The following CRYBB1 variants were observed in gnomAD, a reference collection of about 807,000 sequenced individuals.
CRYBB1 encodes the protein crystallin beta B1.
In CRYBB1, 16 loss-of-function variants were observed where a neutral mutation model predicts 29.5. The observed-to-expected ratio is 0.54, with a 90% CI of 0.37 to 0.82. The LOEUF (loss-of-function observed/expected upper bound fraction) is 0.82, where lower values mean the gene tolerates loss of function less well. Ranked by LOEUF, CRYBB1 falls within the 40% of genes least tolerant of loss-of-function variation. The pLI, the probability that CRYBB1 is intolerant of heterozygous loss-of-function variation, is 0.00. For missense variants in CRYBB1, 300 were observed against 350.5 expected (o/e 0.86, Z 1.15); for synonymous variants, 127 against 136.7 (o/e 0.93, Z 0.49).
intron 2 of CRYBB1, among the ~76,000 whole-genome samples, chr22:26,614,032 G>A (rs1200992742): frequency 1.3e-5 from 2 of 152,126 alleles, no homozygotes; most frequent in Non-Finnish European, 2.9e-5. Context: ...TTAGGAAGAG[G>A]AAATTCCTGC....
At chr22:26,610,734 C>T (rs5761630) in intron 3 of CRYBB1, among the ~76,000 whole-genome samples, 21,850 of 152,182 alleles carry the variant, frequency 0.14, 2,071 homozygotes, top group South Asian at 0.3. Flanking sequence ...CAGGCCCATG[C>T]TGTATGATCT....
In CRYBB1 at chr22:26,616,134, C is replaced by T; in HGVS notation, c.180+6G>A. The T allele has an allele frequency of 6.2e-7, 1 of 1,613,574 alleles. No individual in the cohort carries two copies. The highest frequency in any genetic ancestry group is 1.3e-5 in the African/African-American group (1 of 75,044). ...GCACCCAGCCACTGCACCCCCAGGT[C>T]CTTACCCTGTAGTTCCCAGGAGGCA... On this transcript the variant is annotated splice_donor_region_variant and intron_variant, in intron 2 of 5. Coordinates refer to ENST00000647684, the MANE Select transcript of CRYBB1 (RefSeq NM_001887.4).
rs1929004189 is a variant in CRYBB1 at position 26,607,150 on chromosome 22, G to T, written c.432+739C>A. Reference sequence around the variant, plus strand: ...TAATTCTCCTGCCTCAGCCTTGCTAGTAGCTGGGATTACAGGCATGCGCCA... The same window carrying T: ...TAATTCTCCTGCCTCAGCCTTGCTATTAGCTGGGATTACAGGCATGCGCCA... On this transcript the variant is annotated intron_variant, in intron 4 of 5. Coordinates refer to ENST00000647684, the MANE Select transcript of CRYBB1 (RefSeq NM_001887.4). 2.0e-5 allele frequency among the ~76,000 whole-genome samples: 3 copies of T among 150,964 alleles called. No homozygotes were observed. The Admixed American group carries it at 2.0e-4, about 10-fold the overall frequency.
chr22:26,601,896 C>T lies in CRYBB1; in HGVS notation c.558G>A (p.Val186=). 1 of 1,612,224 alleles carries T rather than the reference C, an allele frequency of 6.2e-7. No individual in the cohort carries two copies. Among genetic ancestry groups the T allele is most frequent in the Non-Finnish European group, 8.5e-7 (1 of 1,179,858 alleles). ...VYGFSDRVGS[V]KVSSGTWVGY... The stretch of plus-strand genomic sequence containing the variant: ...ATGCTTACGTTCCACTGGAGACCTT[C>T]ACGCTGCCCACGCGGTCACTGAAGC... The change falls in exon 5 of 6, where the codon GTG becomes GTA. Residue 186 remains valine, a synonymous_variant. Transcript: ENST00000647684.
chr22:26,616,807 T>G (rs1929371092), intron 1 of CRYBB1, among the ~76,000 whole-genome samples: 1 of 152,178 alleles, frequency 6.6e-6, no homozygotes, highest in Non-Finnish European at 1.5e-5. Context: ...TGATCCCCTC[T>G]GAGCAGCAGG....
At chr22:26,608,885 G>A (rs1929068840) in intron 3 of CRYBB1, among the ~76,000 whole-genome samples, 1 of 151,988 alleles carries the variant, frequency 6.6e-6, no homozygotes, top group South Asian at 2.1e-4. Flanking sequence ...TTATGAAGAT[G>A]CTAGGTTCCT....
intron 2 of CRYBB1, among the ~76,000 whole-genome samples, chr22:26,613,052 G>A (rs1302683938): frequency 6.6e-6 from 1 of 152,140 alleles, no homozygotes; most frequent in African/African-American, 2.4e-5. Context: ...CCAGGGCAGG[G>A]CCTGAGGTTG....
At chr22:26,612,342 A>G in intron 2 of CRYBB1, 152 bp from the exon 3 acceptor site, 1 of 630,378 alleles carries the variant, frequency 1.6e-6, no homozygotes. Context: ...CCCATCCCCC[A>G]ATTCTTTACT....
intron 4 of CRYBB1, among the ~76,000 whole-genome samples, chr22:26,605,428 C>A (rs1005585896): frequency 6.7e-6 from 1 of 149,000 alleles, no homozygotes; most frequent in African/African-American, 2.4e-5. Flanking sequence ...AATCCCAGCA[C>A]TTTGGGAGGC....
At chr22:26,605,730 A>G (rs1928957024) in intron 4 of CRYBB1, among the ~76,000 whole-genome samples, 1 of 149,394 alleles carries the variant, frequency 6.7e-6, no homozygotes, top group Non-Finnish European at 1.5e-5. Context: ...GTCTGGGTTC[A>G]AGTAGAAGAT....
intron 5 of CRYBB1, among the ~76,000 whole-genome samples, chr22:26,601,305 C>T (rs73163248): frequency 0.018 from 2,789 of 152,172 alleles, 34 homozygotes; most frequent in Non-Finnish European, 0.025. Flanking sequence ...CATGGGGCTC[C>T]GTTTTGATAG....
intron 4 of CRYBB1, among the ~76,000 whole-genome samples, chr22:26,603,188 T>C (rs1928877973): frequency 6.6e-6 from 1 of 151,816 alleles, no homozygotes; most frequent in Non-Finnish European, 1.5e-5. Flanking sequence ...CTGGTGATCT[T>C]GGACATTTTA....
At chr22:26,608,103 C>T (rs1161483529) in intron 3 of CRYBB1, 82 bp from the exon 4 acceptor site, 5 of 1,607,166 alleles carry the variant, frequency 3.1e-6, no homozygotes, top group Non-Finnish European at 4.3e-6. Context: ...TTTCTCTCTC[C>T]CCTGGCAAGG....
Position 26,607,918 on chromosome 22 carries a change from G to C in CRYBB1, c.403C>G (p.Arg135Gly). 1 of 1,614,200 alleles carries C rather than the reference G, an allele frequency of 6.2e-7. No individual in the cohort carries two copies. Among genetic ancestry groups the C allele is most frequent in the Non-Finnish European group, 8.5e-7 (1 of 1,180,038 alleles). ...TTGATGGGCCGGAAGGACATGAGCC[G>C]ATCACTGCGGTAGCTGCTCGACCAT... ...NTWSSSYRSD[R>G]LMSFRPIKMD... Residue 135 changes from arginine (R) to glycine (G), a missense_variant, in exon 4 of 6, where the codon CGG becomes GGG. Coordinates refer to ENST00000647684, the MANE Select transcript of CRYBB1 (RefSeq NM_001887.4).
intron 2 of CRYBB1, among the ~76,000 whole-genome samples, chr22:26,615,457 G>C (rs1026405631): frequency 6.6e-6 from 1 of 152,124 alleles, no homozygotes; most frequent in Non-Finnish European, 1.5e-5. Flanking sequence ...GCTGTGAAGC[G>C]GTATGGTTTG....
At chr22:26,602,262 A>G (rs1928845453) in intron 4 of CRYBB1, among the ~76,000 whole-genome samples, 2 of 152,072 alleles carry the variant, frequency 1.3e-5, no homozygotes, top group South Asian at 4.1e-4. Context: ...ACTGAGCACG[A>G]TGCCTGGCAT....
chr22:26,611,582 C>T (rs1929166489), intron 3 of CRYBB1, among the ~76,000 whole-genome samples: 1 of 151,366 alleles, frequency 6.6e-6, no homozygotes, highest in Non-Finnish European at 1.5e-5. Flanking sequence ...TCACGCCATT[C>T]TCCTGCCTCA....
chr22:26,605,671 CAAAAAAAAAAAAA>C (rs771110435), intron 4 of CRYBB1, among the ~76,000 whole-genome samples: 1 of 54,214 alleles, frequency 1.8e-5, no homozygotes, highest in Non-Finnish European at 3.4e-5. Flanking sequence ...AGATGTGTCT[CAAAAAAAAAAAAA>C]AAAAAAAAGG....
chr22:26,612,367 G>GT (rs1569207018), intron 2 of CRYBB1, among the ~76,000 whole-genome samples, 177 bp from the exon 3 acceptor site: 4 of 152,072 alleles, frequency 2.6e-5, no homozygotes, highest in African/African-American at 9.7e-5. Context: ...TTTGTTTTTT[G>GT]TTTGTTTGTT....
Sources: gnomAD v4.1 joint callset for allele counts (sites outside exome capture counted in the v4.1 genomes callset) on GRCh38, gnomAD v4.1.1 for gene constraint, MANE v1.5 for transcripts, NCBI Gene and HGNC (gene_info 2026-07-23, HGNC 2026-07-21) for gene names.